The following TMEM220 variants were observed in gnomAD, a reference collection of about 807,000 sequenced individuals.
The protein encoded by TMEM220 is transmembrane protein 220.
In TMEM220, 21 loss-of-function variants were observed where a neutral mutation model predicts 21.7. The observed-to-expected ratio is 0.97, with a 90% CI of 0.69 to 1.39. The LOEUF is 1.39. Among genes scored for constraint, TMEM220 ranks in the 40% most tolerant of loss-of-function variants. TMEM220 has a pLI of 0.00. For synonymous variants in TMEM220, 80 were observed against 73.6 expected, an observed-to-expected ratio of 1.09 and a Z score of -0.45; for missense variants, 191 against 201.9, an observed-to-expected ratio of 0.95 and a Z score of 0.33.
Position 10,717,185 on chromosome 17 carries a change from C to G in TMEM220, c.348-1597G>C, listed in dbSNP as rs150575649. On this transcript the variant is annotated intron_variant, in intron 5 of 5. Transcript: ENST00000341871. ...TATTTCTTTCTCTTGCCTTATTTTA[C>G]CGGCTGGGACAATAGCTGGGACAAT... Among the ~76,000 whole-genome samples, 30 of 152,260 alleles carry G rather than the reference C, an allele frequency of 2.0e-4. 1 individual carries two copies. The East Asian group carries it at 4.6e-3, about 24-fold the overall frequency.
chr17:10,720,499 A>C (rs920774860), intron 5 of TMEM220, among the ~76,000 whole-genome samples: 3 of 152,228 alleles, frequency 2.0e-5, no homozygotes, highest in Non-Finnish European at 2.9e-5. Context: ...CCACTGAAAA[A>C]TCATGGAAGG....
chr17:10,721,753 C>T (rs1178469893), intron 5 of TMEM220, among the ~76,000 whole-genome samples: 4 of 151,422 alleles, frequency 2.6e-5, no homozygotes, highest in African/African-American at 9.7e-5. Context: ...ATATTAGTCT[C>T]TCTGCTTTTA....
chr17:10,718,085 C>G (rs149177286), intron 5 of TMEM220, among the ~76,000 whole-genome samples: 518 of 152,170 alleles, frequency 3.4e-3, no homozygotes, highest in African/African-American at 0.012. Context: ...GCCTCCCAAA[C>G]TGCTGGGATT....
Position 10,715,471 on chromosome 17 carries a change from G to A in TMEM220, c.465C>T (p.His155=), listed in dbSNP as rs1017864119. Residue 155 remains histidine, a synonymous_variant, in exon 6 of 6, where the codon CAC becomes CAT. Coordinates refer to ENST00000341871, the MANE Select transcript of TMEM220 (RefSeq NM_001004313.3). ...AATTTATTTAAATTACTGTCTTGCA[G>A]TGAGTTGGCCAAGAGGACCGCATTT... The part of the protein sequence containing the change: ...NKEMRSSWPT[H]CKTVI 1 of 1,586,646 alleles carries A rather than the reference G, an allele frequency of 6.3e-7. No homozygotes were observed. The highest frequency in any genetic ancestry group is 1.4e-5 in the African/African-American group (1 of 73,026).
chr17:10,716,779 GTTTCTAAA>G (rs1280758309), intron 5 of TMEM220, among the ~76,000 whole-genome samples: 4 of 152,060 alleles, frequency 2.6e-5, no homozygotes, highest in Admixed American at 6.5e-5. Flanking sequence ...GTATAGATCC[GTTTCTAAA>G]TTCTATTGTT....
At chr17:10,720,253 G>A (rs2074971219) in intron 5 of TMEM220, among the ~76,000 whole-genome samples, 1 of 152,176 alleles carries the variant, frequency 6.6e-6, no homozygotes. Flanking sequence ...TTAGATATAT[G>A]CATATGGCTA....
downstream of TMEM220, chr17:10,711,194 T>TAAAAAAA: frequency 7.0e-7 from 1 of 1,430,970 alleles, no homozygotes; most frequent in Admixed American, 2.2e-5. Flanking sequence ...TTGTCCCTCC[T>TAAAAAAA]AAACAAAAAA....
At chr17:10,717,124 A>C (rs2074931397) in intron 5 of TMEM220, among the ~76,000 whole-genome samples, 1 of 152,200 alleles carries the variant, frequency 6.6e-6, no homozygotes, top group Non-Finnish European at 1.5e-5. Flanking sequence ...CAAATCATGA[A>C]AATTTTATTT....
rs138666253 is a variant in TMEM220, at chr17:10,724,807, C to T, written c.287+204G>A. On this transcript the variant is annotated intron_variant, in intron 4 of 5. Coordinates refer to ENST00000341871, the MANE Select transcript of TMEM220 (RefSeq NM_001004313.3). ...ACTGCCACTAGCAGTGATAATGAAG[C>T]CTGATAGATGGGGCTGGGTTTGAAT... Among the ~76,000 whole-genome samples the T allele has an allele frequency of 9.6e-4, 146 of 152,232 alleles. 1 individual carries two copies. The East Asian group carries it at 0.022, about 23-fold the overall frequency.
chr17:10,729,875 C>A lies in TMEM220; in HGVS notation c.-24G>T, dbSNP rs367872869. ...ATGGCTCGGAGAACACGGCGCGGGG[C>A]GGTGAGTCCTGCCACGTGCGGGGCG... is the stretch of plus-strand genomic sequence containing the variant. On this transcript the variant is annotated 5_prime_UTR_variant, in exon 1 of 6. Transcript: ENST00000341871. The A allele has an allele frequency of 7.8e-7, 1 of 1,289,882 alleles. No individual in the cohort carries two copies. Among genetic ancestry groups the A allele is most frequent in the Admixed American group, 3.8e-5 (1 of 26,192 alleles). The allele number at this position is 1,289,882 out of a possible 1,614,324, so 79.9% of individuals were successfully genotyped here. A position where few individuals can be genotyped will look rare whatever the true frequency, so the allele number is the denominator to read the frequency against.
chr17:10,712,713 T>C (rs1305711187), downstream of TMEM220, among the ~76,000 whole-genome samples: 1 of 152,166 alleles, frequency 6.6e-6, no homozygotes, highest in Non-Finnish European at 1.5e-5. Flanking sequence ...CATTGAAGGA[T>C]ATGCCAAAGT....
At chr17:10,716,043 AC>A (rs141625709) in intron 5 of TMEM220, 269,868 of 588,992 alleles carry the variant, frequency 0.46, 64,209 homozygotes, top group African/African-American at 0.64. Flanking sequence ...AACTACTCCC[AC>A]CCCCCCATGT....
chr17:10,719,668 G>A (rs1246533303), intron 5 of TMEM220, among the ~76,000 whole-genome samples: 1 of 152,196 alleles, frequency 6.6e-6, no homozygotes, highest in Non-Finnish European at 1.5e-5. Context: ...ACCTGAGAGA[G>A]AGAAGGTTTT....
chr17:10,729,158 C>T, intron 1 of TMEM220, 98 bp from the exon 2 acceptor site: 28 of 1,372,820 alleles, frequency 2.0e-5, no homozygotes, highest in Non-Finnish European at 2.9e-5. Context: ...TGTTAAGTGC[C>T]AGACACTGCA....
intron 5 of TMEM220, chr17:10,716,580 ACT>A (rs1318836280): frequency 1.4e-5 from 7 of 500,506 alleles, no homozygotes; most frequent in East Asian, 9.7e-5. Context: ...TGCACCCAAC[ACT>A]CTGTTTTGCT....
chr17:10,715,231 T>G lies in TMEM220; in HGVS notation c.*222A>C, dbSNP rs1179198022. On this transcript the variant is annotated 3_prime_UTR_variant, in exon 6 of 6. Transcript: ENST00000341871. ...CTATTCTCTAGCCTTTTCCACTACA[T>G]TATGACACAAGACCCTGCAGAAAGT... 5 of 387,834 alleles carry G rather than the reference T, an allele frequency of 1.3e-5. No homozygotes were observed. Among genetic ancestry groups the G allele is most frequent in the African/African-American group, 2.1e-5 (1 of 46,992 alleles). The allele number at this position is 387,834 out of a possible 1,614,324, so 24.0% of individuals were successfully genotyped here.
At chr17:10,726,337 G>A (rs1053803236) in intron 2 of TMEM220, 73 bp from the exon 3 acceptor site, 1 of 1,255,542 alleles carries the variant, frequency 8.0e-7, no homozygotes, top group African/African-American at 1.5e-5. Context: ...AGAGATACAG[G>A]AAGTAAAGAA....
intron 4 of TMEM220, 113 bp from the exon 5 acceptor site, chr17:10,723,442 C>T: frequency 1.3e-6 from 1 of 778,400 alleles, no homozygotes; most frequent in Non-Finnish European, 2.3e-6. Flanking sequence ...ACTGACTCTC[C>T]CTCAAGATCT....
downstream of TMEM220, among the ~76,000 whole-genome samples, chr17:10,713,050 C>T (rs1453559827): frequency 6.6e-6 from 1 of 152,082 alleles, no homozygotes; most frequent in Non-Finnish European, 1.5e-5. Flanking sequence ...GTGGGTGGAT[C>T]ACCTTAGGTC....
Sources: gnomAD v4.1 joint callset for allele counts (sites outside exome capture counted in the v4.1 genomes callset) on GRCh38, gnomAD v4.1.1 for gene constraint, MANE v1.5 for transcripts, NCBI Gene and HGNC (gene_info 2026-07-23, HGNC 2026-07-21) for gene names.